The following GYS2 variants were observed in gnomAD, a reference collection of about 807,000 sequenced individuals.
GYS2 encodes the protein glycogen synthase 2.
GYS2 carries 80 observed loss-of-function variants against 85.6 expected under a neutral mutation model. That is an observed-to-expected ratio of 0.93 (90% CI 0.78 to 1.13). The LOEUF (loss-of-function observed/expected upper bound fraction) is 1.13, where lower values mean the gene tolerates loss of function less well. Ranked by LOEUF, GYS2 falls within the 50% of genes most tolerant of loss-of-function variation. The pLI is 0.00. For synonymous variants in GYS2, 328 were observed against 300.7 expected, an observed-to-expected ratio of 1.09 and a Z score of -0.94; for missense variants, 881 against 854.9, an observed-to-expected ratio of 1.03 and a Z score of -0.38.
At chr12:21,594,008 C>T (rs1172844472) in intron 1 of GYS2, among the ~76,000 whole-genome samples, 1 of 152,090 alleles carries the variant, frequency 6.6e-6, no homozygotes, top group Non-Finnish European at 1.5e-5. Context: ...ACCATATGAT[C>T]ATCTCAATAG....
rs762375003 is a variant in GYS2, at chr12:21,559,726, A to T, written c.1170-16T>A. 2.6e-6 allele frequency: 4 copies of T among 1,518,074 alleles called. No homozygotes were observed. In the East Asian group the frequency reaches 6.8e-5, roughly 26 times the overall value. The allele number at this position is 1,518,074 out of a possible 1,614,324, so 94.0% of individuals were successfully genotyped here. ...TGCAACATCCCTGTTTGAAACAGAAAGATTTATCATTTAAACAGTATGACA... is the reference window on the plus strand; with the variant it reads ...TGCAACATCCCTGTTTGAAACAGAATGATTTATCATTTAAACAGTATGACA... On this transcript the variant is annotated splice_polypyrimidine_tract_variant and intron_variant, in intron 8 of 15. Transcript: ENST00000261195.
chr12:21,569,885 A>G (rs1442365507), intron 4 of GYS2, among the ~76,000 whole-genome samples: 1 of 152,202 alleles, frequency 6.6e-6, no homozygotes, highest in Non-Finnish European at 1.5e-5. Flanking sequence ...TTTATGGAGA[A>G]GGAAATTGAA....
intron 1 of GYS2, among the ~76,000 whole-genome samples, chr12:21,601,552 T>C (rs1374903172): frequency 1.3e-5 from 2 of 152,148 alleles, no homozygotes; most frequent in Non-Finnish European, 2.9e-5. Context: ...TTCTCCCCTT[T>C]AGCTATTTAT....
chr12:21,590,452 C>T (rs1282956567), intron 1 of GYS2, among the ~76,000 whole-genome samples: 1 of 152,194 alleles, frequency 6.6e-6, no homozygotes, highest in Non-Finnish European at 1.5e-5. Flanking sequence ...TCACAACTGG[C>T]ACCTCCTGCA....
At chr12:21,566,989 C>G (rs1014860937) in intron 5 of GYS2, among the ~76,000 whole-genome samples, 2 of 152,030 alleles carry the variant, frequency 1.3e-5, no homozygotes, top group East Asian at 3.9e-4. Flanking sequence ...ATTAGAGGCA[C>G]CAGAAAAGAT....
intron 1 of GYS2, among the ~76,000 whole-genome samples, chr12:21,590,532 G>T (rs1419281258): frequency 2.6e-5 from 4 of 152,130 alleles, no homozygotes; most frequent in African/African-American, 9.7e-5. Flanking sequence ...AGTGCAGACT[G>T]CTTGGGAGCC....
At chr12:21,576,104 G>T in intron 2 of GYS2, 47 bp from the exon 3 acceptor site, 1 of 1,456,956 alleles carries the variant, frequency 6.9e-7, no homozygotes, top group Non-Finnish European at 9.6e-7. Flanking sequence ...AGTCATGCAA[G>T]ACAGGACAAT....
downstream of GYS2, among the ~76,000 whole-genome samples, chr12:21,533,935 TC>T (rs1389079268): frequency 6.6e-6 from 1 of 152,176 alleles, no homozygotes; most frequent in African/African-American, 2.4e-5. Flanking sequence ...TGCTGTGTCC[TC>T]ACGTGGTGGA....
intron 3 of GYS2, among the ~76,000 whole-genome samples, chr12:21,575,439 T>TG (rs1944433783): frequency 6.6e-6 from 1 of 152,156 alleles, no homozygotes; most frequent in South Asian, 2.1e-4. Context: ...AGCAGAGAAT[T>TG]GGGAAATTTG....
chr12:21,563,443 T>C, intron 5 of GYS2, 98 bp from the exon 6 acceptor site: 1 of 727,030 alleles, frequency 1.4e-6, no homozygotes, highest in Non-Finnish European at 2.5e-6. Context: ...TAGATGTTTA[T>C]TGACATTCTA....
Position 21,536,597 on chromosome 12 carries a change from GA to G in GYS2, c.*356del, listed in dbSNP as rs1463040960. 3.7e-6 allele frequency: 1 copy of G among 266,780 alleles called. No individual in the cohort carries two copies. The highest frequency in any genetic ancestry group is 1.0e-4 in the East Asian group (1 of 9,740). 16.5% of individuals were successfully genotyped at this position (266,780 alleles called of 1,614,324 possible). ...TGGGAAATTTGTGTGGTGGGGTAGAGAAGCTGCATAAATAGTAAGCAAAGGA... is the reference window on the plus strand; with the variant it reads ...TGGGAAATTTGTGTGGTGGGGTAGAGAGCTGCATAAATAGTAAGCAAAGGA... On this transcript the variant is annotated 3_prime_UTR_variant, in exon 16 of 16. Transcript: ENST00000261195.
intron 15 of GYS2, among the ~76,000 whole-genome samples, chr12:21,538,841 C>G (rs764561287): frequency 6.6e-6 from 1 of 152,150 alleles, no homozygotes; most frequent in East Asian, 1.9e-4. Flanking sequence ...GATGAATGGA[C>G]CATAAATGCT....
At chr12:21,548,611 G>A (rs374738056) in intron 11 of GYS2, among the ~76,000 whole-genome samples, 1 of 151,966 alleles carries the variant, frequency 6.6e-6, no homozygotes, top group Admixed American at 6.6e-5. Flanking sequence ...TTAACTACTG[G>A]CTCTTGTGCA....
At chr12:21,558,107 G>A in intron 11 of GYS2, 93 bp downstream of exon 11, 7 of 793,812 alleles carry the variant, frequency 8.8e-6, no homozygotes, top group Middle Eastern at 2.4e-4. Flanking sequence ...AATATTTCTT[G>A]TAGATGTAAA....
At chr12:21,550,713 G>T (rs564922653) in intron 11 of GYS2, among the ~76,000 whole-genome samples, 112 of 152,296 alleles carry the variant, frequency 7.4e-4, no homozygotes, top group African/African-American at 2.4e-3. Flanking sequence ...GGCTGAGGCA[G>T]GTAGATCACC....
chr12:21,532,773 T>A (rs1943877956), downstream of GYS2: 1 of 152,198 alleles, frequency 6.6e-6, no homozygotes, highest in Admixed American at 6.5e-5. Context: ...TATGAAATAA[T>A]TCTTCCTACA....
At chr12:21,552,122 T>G (rs1871143) in intron 11 of GYS2, among the ~76,000 whole-genome samples, 108,428 of 152,042 alleles carry the variant, frequency 0.71, 39,469 homozygotes, top group South Asian at 0.81. Flanking sequence ...TGTACAAAAA[T>G]CGCCCAGGAA....
chr12:21,596,980 A>G (rs1299898243), intron 1 of GYS2, among the ~76,000 whole-genome samples: 2 of 152,162 alleles, frequency 1.3e-5, no homozygotes, highest in African/African-American at 4.8e-5. Context: ...AATCAAATCA[A>G]GAACTCAACC....
chr12:21,567,890 T>G (rs762671247), intron 5 of GYS2, among the ~76,000 whole-genome samples: 27 of 151,902 alleles, frequency 1.8e-4, no homozygotes, highest in Non-Finnish European at 2.4e-4. Context: ...CTGGCCAAGA[T>G]AGTGAAACCC....
Sources: allele counts gnomAD v4.1 joint callset (sites outside exome capture counted in the v4.1 genomes callset), GRCh38; gene constraint gnomAD v4.1.1; transcripts MANE v1.5; gene names NCBI Gene and HGNC (gene_info 2026-07-23, HGNC 2026-07-21).